The following KALRN variants were observed in gnomAD, a reference collection of about 807,000 sequenced individuals.
KALRN encodes the protein kalirin.
A neutral mutation model predicts 353.7 loss-of-function variants in KALRN; 70 were observed. That is an observed-to-expected ratio of 0.20 (90% CI 0.16 to 0.24). The LOEUF (loss-of-function observed/expected upper bound fraction) is 0.24, where lower values mean the gene tolerates loss of function less well. Ranked by LOEUF, KALRN falls within the 10% of genes least tolerant of loss-of-function variation. The pLI is 1.00. For synonymous variants in KALRN, 1,391 were observed against 1,434.8 expected (o/e 0.97, Z 0.69); for missense variants, 2,791 against 3,756.7 (o/e 0.74, Z 6.72).
intron 33 of KALRN, among the ~76,000 whole-genome samples, chr3:124,507,982 T>C (rs1488528809): frequency 2.0e-5 from 3 of 152,232 alleles, no homozygotes; most frequent in Non-Finnish European, 4.4e-5. Context: ...TCCCAAAATA[T>C]TTATTCTATA....
At chr3:124,268,606 T>C in intron 4 of KALRN, 137 bp from the exon 5 acceptor site, 1 of 840,594 alleles carries the variant, frequency 1.2e-6, no homozygotes, top group Non-Finnish European at 1.9e-6. Context: ...GTGAGTCCCA[T>C]GGCCTCCACT....
chr3:124,403,664 A>C (rs1382574444), intron 13 of KALRN, among the ~76,000 whole-genome samples: 11 of 152,220 alleles, frequency 7.2e-5, no homozygotes, highest in African/African-American at 2.7e-4. Context: ...TGGTGGTCTC[A>C]ACTCTTCAAT....
At chr3:124,530,550 C>T (rs2067954227) in intron 33 of KALRN, among the ~76,000 whole-genome samples, 1 of 152,120 alleles carries the variant, frequency 6.6e-6, no homozygotes, top group South Asian at 2.1e-4. Context: ...TACCACCACA[C>T]TTAACTAATT....
At chr3:124,628,058 T>G (rs946689195) in intron 34 of KALRN, among the ~76,000 whole-genome samples, 1 of 152,174 alleles carries the variant, frequency 6.6e-6, no homozygotes, top group African/African-American at 2.4e-5. Flanking sequence ...AAGCCTGAGA[T>G]TTGTGCCCAT....
chr3:124,206,455 G>A lies in KALRN; in HGVS notation c.74-21535G>A, dbSNP rs566546327. Among the ~76,000 whole-genome samples the A allele has an allele frequency of 3.9e-5, 6 of 152,292 alleles. No individual in the cohort carries two copies. In the South Asian group the frequency reaches 8.3e-4, roughly 21 times the overall value. Reference sequence around the variant, plus strand: ...AGGGCGGTTGGGAAATGTAACAGTCGTGTGCTTCAGAAGAGAGAATGAGCT... The same window carrying A: ...AGGGCGGTTGGGAAATGTAACAGTCATGTGCTTCAGAAGAGAGAATGAGCT... On this transcript the variant is annotated intron_variant, in intron 1 of 59. Transcript: ENST00000682506.
intron 58 of KALRN, among the ~76,000 whole-genome samples, chr3:124,715,030 A>T (rs1234483681): frequency 3.3e-5 from 5 of 152,036 alleles, no homozygotes; most frequent in Admixed American, 6.6e-5. Context: ...AAAAAAAAAA[A>T]AAATAGGGGG....
intron 3 of KALRN, among the ~76,000 whole-genome samples, chr3:124,246,462 T>A (rs561331851): frequency 0.012 from 1,747 of 151,318 alleles, 34 homozygotes; most frequent in African/African-American, 0.04. Flanking sequence ...GGCTTGCTTG[T>A]TTTTTTTTGC....
intron 34 of KALRN, among the ~76,000 whole-genome samples, chr3:124,616,375 A>C (rs574499105): frequency 6.6e-6 from 1 of 152,308 alleles, no homozygotes; most frequent in African/African-American, 2.4e-5. Flanking sequence ...GTGATAGTAC[A>C]TAAGCCTAAA....
chr3:124,382,557 T>C (rs1393498670), intron 10 of KALRN, among the ~76,000 whole-genome samples: 1 of 152,218 alleles, frequency 6.6e-6, no homozygotes, highest in Non-Finnish European at 1.5e-5. Flanking sequence ...TGGGACAAAT[T>C]GATCACCTTA....
At chr3:124,404,934 T>C (rs1276371152) in intron 13 of KALRN, among the ~76,000 whole-genome samples, 1 of 152,158 alleles carries the variant, frequency 6.6e-6, no homozygotes, top group African/African-American at 2.4e-5. Context: ...TCTCCACGTT[T>C]GTAACATGCC....
chr3:124,624,792 G>A (rs1356141165), intron 34 of KALRN, among the ~76,000 whole-genome samples: 2 of 152,220 alleles, frequency 1.3e-5, no homozygotes, highest in African/African-American at 4.8e-5. Context: ...GCCAAAGGAT[G>A]AGGCTACCTT....
At chr3:124,637,114 C>G in intron 36 of KALRN, 94 bp from the exon 37 acceptor site, 1 of 1,061,312 alleles carries the variant, frequency 9.4e-7, no homozygotes, top group Non-Finnish European at 1.5e-6. Context: ...CTTCCCTTCC[C>G]TGGCTTGAGC....
At chr3:124,510,343 A>G (rs1299424719) in intron 33 of KALRN, among the ~76,000 whole-genome samples, 3 of 152,148 alleles carry the variant, frequency 2.0e-5, no homozygotes, top group Non-Finnish European at 4.4e-5. Flanking sequence ...GGGAGAAAGG[A>G]GAATATAGGG....
intron 5 of KALRN, among the ~76,000 whole-genome samples, chr3:124,281,975 CTG>C (rs1276000732): frequency 6.6e-6 from 1 of 152,174 alleles, no homozygotes; most frequent in Non-Finnish European, 1.5e-5. Flanking sequence ...CTGTTGAAAA[CTG>C]GGGTGTTAGC....
chr3:124,463,903 C>A (rs1412798347), intron 25 of KALRN, among the ~76,000 whole-genome samples: 1 of 152,124 alleles, frequency 6.6e-6, no homozygotes, highest in Non-Finnish European at 1.5e-5. Context: ...AAGCAATACG[C>A]TCTGGGGGAA....
chr3:124,557,348 T>G (rs2071394575), intron 33 of KALRN, among the ~76,000 whole-genome samples: 1 of 152,220 alleles, frequency 6.6e-6, no homozygotes, highest in Admixed American at 6.5e-5. Context: ...AAAGTACAGC[T>G]GCATGTCACT....
At chr3:124,625,530 G>C (rs765896128) in intron 34 of KALRN, among the ~76,000 whole-genome samples, 1 of 151,652 alleles carries the variant, frequency 6.6e-6, no homozygotes, top group African/African-American at 2.4e-5. Context: ...AAACCAGCCC[G>C]GACAACATCA....
At chr3:124,422,335 C>G (rs766730251) in intron 14 of KALRN, among the ~76,000 whole-genome samples, 2 of 151,992 alleles carry the variant, frequency 1.3e-5, no homozygotes, top group Non-Finnish European at 2.9e-5. Context: ...TGCAGCTACT[C>G]TCATTGAAGT....
intron 1 of KALRN, among the ~76,000 whole-genome samples, chr3:124,150,994 G>C (rs1229903497): frequency 1.3e-5 from 2 of 152,028 alleles, no homozygotes; most frequent in Non-Finnish European, 2.9e-5. Flanking sequence ...GTCCTCTTTT[G>C]TTCAATGTTA....
Sources: gnomAD v4.1 joint callset for allele counts (sites outside exome capture counted in the v4.1 genomes callset) on GRCh38, gnomAD v4.1.1 for gene constraint, MANE v1.5 for transcripts, NCBI Gene and HGNC (gene_info 2026-07-23, HGNC 2026-07-21) for gene names.